The following GRIA4 variants were observed in gnomAD, a reference collection of about 807,000 sequenced individuals.
The protein encoded by GRIA4 is glutamate ionotropic receptor AMPA type subunit 4, also known as glutamate receptor 4.
In GRIA4, 34 loss-of-function variants were observed where a neutral mutation model predicts 104.0. The ratio of observed to expected loss-of-function variants is 0.33; its 90% CI spans 0.25 to 0.44. The LOEUF is 0.44. GRIA4 is among the 20% of genes least tolerant of loss of function. The pLI is 1.00. For missense variants in GRIA4, 750 were observed against 1,096.5 expected (o/e 0.68, Z 4.46); for synonymous variants, 386 against 381.9 (o/e 1.01, Z -0.13).
rs1461400445 is a variant in GRIA4 at position 105,924,646 on chromosome 11, C to T, written c.1724C>T (p.Thr575Ile). Residue 575 changes from threonine (T) to isoleucine (I), a missense_variant, in exon 12 of 17, where the codon ACA (threonine) becomes ATA (isoleucine). Transcript: ENST00000282499. ...AGATTTAGTCCATATGAGTGGCACA[C>T]AGAAGAGCCAGAGGACGGAAAGGAA... ...VSRFSPYEWH[T>I]EEPEDGKEGP... 2 of 1,613,026 alleles carry T rather than the reference C, an allele frequency of 1.2e-6. No homozygotes were observed. Among genetic ancestry groups the T allele is most frequent in the Admixed American group, 3.3e-5 (2 of 59,848 alleles).
At chr11:105,627,237 T>C (rs950838226) in intron 3 of GRIA4, among the ~76,000 whole-genome samples, 7 of 151,526 alleles carry the variant, frequency 4.6e-5, no homozygotes, top group African/African-American at 1.7e-4. Context: ...AAGTGTAAGG[T>C]GTATGGATGA....
At chr11:105,719,914 T>G (rs1407186918) in intron 3 of GRIA4, among the ~76,000 whole-genome samples, 4 of 152,102 alleles carry the variant, frequency 2.6e-5, no homozygotes, top group Non-Finnish European at 1.5e-5. Context: ...TTGCTCACAT[T>G]ACTGTAAAAT....
intron 3 of GRIA4, among the ~76,000 whole-genome samples, chr11:105,698,971 A>G (rs1190598871): frequency 2.0e-5 from 3 of 152,196 alleles, no homozygotes; most frequent in Non-Finnish European, 4.4e-5. Flanking sequence ...CCAATTGCTG[A>G]ATATGCCATG....
chr11:105,784,671 A>G (rs570634425), intron 4 of GRIA4, among the ~76,000 whole-genome samples: 1 of 152,140 alleles, frequency 6.6e-6, no homozygotes, highest in Non-Finnish European at 1.5e-5. Context: ...TAAACTATCA[A>G]TTTTGCACAA....
intron 6 of GRIA4, among the ~76,000 whole-genome samples, chr11:105,889,523 A>AT (rs1164741558): frequency 6.6e-6 from 1 of 152,170 alleles, no homozygotes; most frequent in Admixed American, 6.5e-5. Flanking sequence ...ATCAACAACT[A>AT]TTTTTGAGAG....
intron 3 of GRIA4, among the ~76,000 whole-genome samples, chr11:105,628,564 A>G (rs1950948901): frequency 6.6e-6 from 1 of 152,122 alleles, no homozygotes; most frequent in Admixed American, 6.6e-5. Context: ...CTGTCTTCAT[A>G]TGAAGAAGAA....
chr11:105,853,304 T>C lies in GRIA4; in HGVS notation c.488-8720T>C, dbSNP rs981518594. 2.0e-5 allele frequency among the ~76,000 whole-genome samples: 3 copies of C among 152,304 alleles called. No homozygotes were observed. In the East Asian group the frequency reaches 5.8e-4, roughly 29 times the overall value. On this transcript the variant is annotated intron_variant, in intron 4 of 16. Transcript: ENST00000282499. ...ACTTCAATCCTAAGTTTCTGAAGCT[T>C]ATTTTAGCTCTTATTAATGACTCAG...
At chr11:105,959,958 G>T (rs898770502) in intron 14 of GRIA4, among the ~76,000 whole-genome samples, 2 of 152,198 alleles carry the variant, frequency 1.3e-5, no homozygotes, top group Non-Finnish European at 2.9e-5. Flanking sequence ...ACTCAAGGAG[G>T]CTGGAAAGCA....
At chr11:105,744,926 T>C (rs1565511315) in intron 3 of GRIA4, among the ~76,000 whole-genome samples, 1 of 152,252 alleles carries the variant, frequency 6.6e-6, no homozygotes, top group East Asian at 1.9e-4. Flanking sequence ...CATAATAACA[T>C]TTTCCAGCTG....
At chr11:105,845,366 T>C (rs528298794) in intron 4 of GRIA4, among the ~76,000 whole-genome samples, 3 of 152,240 alleles carry the variant, frequency 2.0e-5, no homozygotes, top group Admixed American at 6.5e-5. Flanking sequence ...CGTTATGATC[T>C]AGCCTTGGAA....
At chr11:105,867,054 C>T (rs1945444705) in intron 5 of GRIA4, among the ~76,000 whole-genome samples, 1 of 152,078 alleles carries the variant, frequency 6.6e-6, no homozygotes, top group South Asian at 2.1e-4. Flanking sequence ...AGCAGTATTG[C>T]CACTTTCATT....
At chr11:105,856,251 G>A (rs1945004378) in intron 4 of GRIA4, among the ~76,000 whole-genome samples, 1 of 151,992 alleles carries the variant, frequency 6.6e-6, no homozygotes, top group South Asian at 2.1e-4. Flanking sequence ...AAGACACATT[G>A]TTTTGTCACT....
chr11:105,612,550 C>G (rs1950507319), intron 3 of GRIA4, 116 bp downstream of exon 3: 2 of 779,622 alleles, frequency 2.6e-6, no homozygotes, highest in Admixed American at 5.6e-5. Flanking sequence ...CCACAGTTGC[C>G]TGGTTTCAGG....
At chr11:105,695,746 T>C (rs1021523337) in intron 3 of GRIA4, among the ~76,000 whole-genome samples, 13 of 152,266 alleles carry the variant, frequency 8.5e-5, no homozygotes, top group African/African-American at 2.9e-4. Flanking sequence ...AGATGAGAAT[T>C]TAGTTGCTAT....
In GRIA4 at chr11:105,862,149, CAA is replaced by C; in HGVS notation, c.614_615del (p.Gln205ArgfsTer9). The C allele has an allele frequency of 6.2e-7, 1 of 1,607,278 alleles. No individual in the cohort carries two copies. Among genetic ancestry groups the C allele is most frequent in the Non-Finnish European group, 8.5e-7 (1 of 1,173,892 alleles). ...RQLLEELDRR[Q>X]EKKFVIDCEI... The stretch of plus-strand genomic sequence containing the variant: ...ACTTCTAGAAGAACTTGACAGAAGA[CAA>C]GAGAAGAAGTTTGTAATAGACTGTG... On this transcript the variant is annotated frameshift_variant, in exon 5 of 17. Transcript: ENST00000282499. LOFTEE classifies it high-confidence loss of function.
At chr11:105,960,969 G>C (rs1213057565) in intron 14 of GRIA4, among the ~76,000 whole-genome samples, 1 of 152,136 alleles carries the variant, frequency 6.6e-6, no homozygotes, top group Non-Finnish European at 1.5e-5. Context: ...AGAGAGCCTG[G>C]ATACCTTGGT....
chr11:105,766,364 C>T (rs1480140255), intron 4 of GRIA4, among the ~76,000 whole-genome samples: 5 of 152,166 alleles, frequency 3.3e-5, no homozygotes, highest in Admixed American at 6.6e-5. Flanking sequence ...TACTATTTAT[C>T]TATGCATGGT....
At chr11:105,654,615 A>G (rs571923307) in intron 3 of GRIA4, among the ~76,000 whole-genome samples, 2 of 152,236 alleles carry the variant, frequency 1.3e-5, no homozygotes, top group South Asian at 2.1e-4. Context: ...TACTGTGTCA[A>G]TCTGGTATAA....
At chr11:105,744,657 C>T (rs1022658606) in intron 3 of GRIA4, among the ~76,000 whole-genome samples, 2 of 152,024 alleles carry the variant, frequency 1.3e-5, no homozygotes, top group Admixed American at 1.3e-4. Context: ...AGGTGGTGAC[C>T]CCTGCTGCAA....
Sources: gnomAD v4.1 joint callset for allele counts (sites outside exome capture counted in the v4.1 genomes callset) on GRCh38, gnomAD v4.1.1 for gene constraint, MANE v1.5 for transcripts, NCBI Gene and HGNC (gene_info 2026-07-23, HGNC 2026-07-21) for gene names.